NDST4: variants seen among roughly 807,000 people sequenced by gnomAD.
NDST4 encodes the protein N-deacetylase and N-sulfotransferase 4.
NDST4 carries 63 observed loss-of-function variants against 100.8 expected under a neutral mutation model. The ratio of observed to expected loss-of-function variants is 0.62; its 90% CI spans 0.51 to 0.77. The LOEUF (loss-of-function observed/expected upper bound fraction) is 0.77, where lower values mean the gene tolerates loss of function less well. NDST4 is among the 30% of genes least tolerant of loss of function. The pLI is 0.00. For missense variants in NDST4, 943 were observed against 1,018.4 expected, an observed-to-expected ratio of 0.93 and a Z score of 1.01; for synonymous variants, 377 against 361.8, an observed-to-expected ratio of 1.04 and a Z score of -0.48.
rs139793035 is a variant in NDST4 at position 115,005,549 on chromosome 4, A to G, written c.979-28275T>C. Among the ~76,000 whole-genome samples, 100 of 152,260 alleles carry G rather than the reference A, an allele frequency of 6.6e-4. 1 individual carries two copies. The highest frequency in any genetic ancestry group is 2.3e-3 in the African/African-American group (97 of 41,558). ...GGAGAAGAGAGTGGGAGGTTGAACA[A>G]TGAGTGACAAGTCCTTGTTTTTATT... On this transcript the variant is annotated intron_variant, in intron 2 of 13. Transcript: ENST00000264363.
At chr4:115,111,434 CTT>C (rs759200178) in intron 1 of NDST4, among the ~76,000 whole-genome samples, 17 of 151,558 alleles carry the variant, frequency 1.1e-4, no homozygotes, top group Non-Finnish European at 2.1e-4. Flanking sequence ...CAAATTATGA[CTT>C]AATATATTTA....
At chr4:115,093,075 G>A (rs896219346) in intron 1 of NDST4, among the ~76,000 whole-genome samples, 23 of 151,946 alleles carry the variant, frequency 1.5e-4, no homozygotes, top group African/African-American at 5.3e-4. Context: ...CCAATATCGT[G>A]GCCTCAAATT....
At chr4:115,071,859 C>T (rs1169261614) in intron 2 of NDST4, among the ~76,000 whole-genome samples, 1 of 151,924 alleles carries the variant, frequency 6.6e-6, no homozygotes, top group African/African-American at 2.4e-5. Context: ...AAAACTGTGA[C>T]TAGAATATTT....
intron 4 of NDST4, among the ~76,000 whole-genome samples, chr4:114,938,947 T>C (rs1725690794): frequency 6.6e-6 from 1 of 152,202 alleles, no homozygotes; most frequent in Non-Finnish European, 1.5e-5. Flanking sequence ...GAGAATTTCA[T>C]TTCTTGATCT....
At chr4:114,872,945 C>T (rs1007849958) in intron 6 of NDST4, among the ~76,000 whole-genome samples, 1 of 151,192 alleles carries the variant, frequency 6.6e-6, no homozygotes, top group Non-Finnish European at 1.5e-5. Context: ...TCAACAACAA[C>T]AAAAAAGCAA....
intron 6 of NDST4, among the ~76,000 whole-genome samples, chr4:114,880,554 A>G (rs776907172): frequency 3.9e-4 from 59 of 152,126 alleles, no homozygotes; most frequent in Non-Finnish European, 8.8e-5. Flanking sequence ...ACAACCTCAA[A>G]TAGAGTTCAA....
rs1407918167 is a variant in NDST4, at chr4:115,077,015, G to A, written c.22C>T (p.Arg8Trp). Residue 8 changes from arginine (R) to tryptophan (W), a missense_variant, in exon 2 of 14, where the codon CGG becomes TGG. Arg to Trp is a moderately radical substitution (Grantham distance 101). Around this residue, in one of 2 missense-constraint regions of NDST4, gnomAD observed 417 missense variants for 384.2 expected, o/e 1.09. Transcript: ENST00000264363. Reference protein sequence around the residue: MNLIVKLRRSFRTLIVLL... With the variant: MNLIVKLWRSFRTLIVLL... Reference sequence around the variant, plus strand: ...ACAATCAATGTTCGAAAACTTCTCCGAAGTTTCACAATAAGATTCATTTTT... The same window carrying A: ...ACAATCAATGTTCGAAAACTTCTCCAAAGTTTCACAATAAGATTCATTTTT... 2.5e-6 allele frequency: 4 copies of A among 1,600,148 alleles called. No homozygotes were observed. The highest frequency in any genetic ancestry group is 3.4e-6 in the Non-Finnish European group (4 of 1,175,418).
intron 4 of NDST4, among the ~76,000 whole-genome samples, chr4:114,954,808 T>A (rs1726099848): frequency 6.6e-6 from 1 of 152,188 alleles, no homozygotes; most frequent in African/African-American, 2.4e-5. Context: ...ACAATTCTCA[T>A]GAATGGCTTA....
chr4:114,893,469 T>C (rs1231305602), intron 6 of NDST4, among the ~76,000 whole-genome samples: 1 of 152,214 alleles, frequency 6.6e-6, no homozygotes, highest in Admixed American at 6.5e-5. Flanking sequence ...TCATTGTGGT[T>C]TTGATTTGCA....
At chr4:115,026,690 G>C (rs111523314) in intron 2 of NDST4, among the ~76,000 whole-genome samples, 1 of 150,862 alleles carries the variant, frequency 6.6e-6, no homozygotes, top group Non-Finnish European at 1.5e-5. Flanking sequence ...TTGGCGGGGG[G>C]GTTGCGGGGG....
In NDST4 at chr4:115,008,981, C is replaced by T. The variant is rs1159273805; in HGVS notation, c.979-31707G>A. Among the ~76,000 whole-genome samples the T allele has an allele frequency of 4.7e-5, 6 of 126,724 alleles. 1 individual carries two copies. Among genetic ancestry groups the T allele is most frequent in the African/African-American group, 1.8e-4 (6 of 33,382 alleles). 83.1% of individuals were successfully genotyped at this position (126,724 alleles called of 152,430 possible). ...ACCTAGGAATCCAACTTACAAGGGA[C>T]ATGAAGGACCTCTTCAAGGAGAACT... On this transcript the variant is annotated intron_variant, in intron 2 of 13. Transcript: ENST00000264363.
At chr4:114,897,516 G>A (rs1724741634) in intron 6 of NDST4, among the ~76,000 whole-genome samples, 1 of 152,100 alleles carries the variant, frequency 6.6e-6, no homozygotes, top group African/African-American at 2.4e-5. Flanking sequence ...TTTGGCAATT[G>A]TGAATAAAGC....
intron 6 of NDST4, among the ~76,000 whole-genome samples, chr4:114,877,268 C>G (rs751800144): frequency 6.6e-6 from 1 of 152,198 alleles, no homozygotes; most frequent in African/African-American, 2.4e-5. Flanking sequence ...TTGCAACTTA[C>G]GATATTTCCT....
Position 115,076,844 on chromosome 4 carries a change from G to T in NDST4, c.193C>A (p.Leu65Met). ...IKILPYRSME[L>M]KTVKPIDTSK... ...GTGTCAATAGGTTTAACTGTTTTCAGCTCCATTGACCTATATGGTAGAATT... is the reference window on the plus strand; with the variant it reads ...GTGTCAATAGGTTTAACTGTTTTCATCTCCATTGACCTATATGGTAGAATT... The change falls in exon 2 of 14, where the codon CTG becomes ATG. Residue 65 changes from leucine (L) to methionine (M), a missense_variant. Physicochemically the swap from Leu to Met is conservative, Grantham distance 15. Transcript: ENST00000264363. The T allele has an allele frequency of 6.2e-7, 1 of 1,613,818 alleles. No individual in the cohort carries two copies. Among genetic ancestry groups the T allele is most frequent in the Non-Finnish European group, 8.5e-7 (1 of 1,179,886 alleles).
At position 115,013,358 on chromosome 4, in the gene NDST4, TATATATATATATAC is replaced by T. The variant is rs932490779; in HGVS notation, c.979-36098_979-36085del. On this transcript the variant is annotated intron_variant, in intron 2 of 13. Transcript: ENST00000264363. ...AAAATATAAATACCATATATATATA[TATATATATATATAC>T]ACACACATACATACCTAATATGTAC... Among the ~76,000 whole-genome samples, 330 of 100,474 alleles carry T rather than the reference TATATATATATATAC, an allele frequency of 3.3e-3. 2 individuals are homozygous for T. The highest frequency in any genetic ancestry group is 0.012 in the African/African-American group (317 of 26,590). The allele number at this position is 100,474 out of a possible 152,430, so 65.9% of individuals were successfully genotyped here.
intron 4 of NDST4, among the ~76,000 whole-genome samples, chr4:114,954,921 C>T (rs1167575980): frequency 6.6e-6 from 1 of 152,088 alleles, no homozygotes. Context: ...CTACTGCTCC[C>T]ACCATGTGAA....
At chr4:114,978,474 A>G (rs1428333193) in intron 2 of NDST4, among the ~76,000 whole-genome samples, 1 of 152,102 alleles carries the variant, frequency 6.6e-6, no homozygotes, top group Non-Finnish European at 1.5e-5. Flanking sequence ...CATGTTCAAC[A>G]TTATTAAATA....
At chr4:115,096,598 T>A (rs1173129191) in intron 1 of NDST4, among the ~76,000 whole-genome samples, 1 of 152,102 alleles carries the variant, frequency 6.6e-6, no homozygotes, top group Non-Finnish European at 1.5e-5. Context: ...CCTCCTTAGC[T>A]AGAACAAGTG....
intron 1 of NDST4, among the ~76,000 whole-genome samples, chr4:115,085,511 G>A (rs563815374): frequency 5.7e-4 from 86 of 152,186 alleles, no homozygotes; most frequent in African/African-American, 1.8e-3. Flanking sequence ...TAATTCCTAC[G>A]TGTCATAGAA....
Sources: gnomAD v4.1 joint callset for allele counts (sites outside exome capture counted in the v4.1 genomes callset) on GRCh38, gnomAD v4.1.1 for gene constraint, gnomAD v4.1.1 regional missense constraint, MANE v1.5 for transcripts, NCBI Gene and HGNC (gene_info 2026-07-23, HGNC 2026-07-21) for gene names.